Variants in SLC35F4 observed in about 807,000 individuals in gnomAD.
SLC35F4 encodes solute carrier family 35 member F4.
In SLC35F4, 24 loss-of-function variants were observed where a neutral mutation model predicts 44.2. The ratio of observed to expected loss-of-function variants is 0.54; its 90% CI spans 0.39 to 0.76. SLC35F4 has a LOEUF of 0.76. Among genes scored for constraint, SLC35F4 ranks in the 30% least tolerant of loss-of-function variants. The probability of loss-of-function intolerance (pLI) is 0.00; values close to 1 mark genes in which losing one functional copy is unlikely to be tolerated. For missense variants in SLC35F4, 562 were observed against 586.1 expected, an observed-to-expected ratio of 0.96 and a Z score of 0.42; for synonymous variants, 238 against 223.6, an observed-to-expected ratio of 1.06 and a Z score of -0.57.
chr14:57,760,922 T>G (rs1266788018), intron 1 of SLC35F4, among the ~76,000 whole-genome samples: 3 of 152,120 alleles, frequency 2.0e-5, no homozygotes, highest in Non-Finnish European at 4.4e-5. Context: ...TCAGAAGATC[T>G]CTCCATTTCT....
At chr14:57,819,552 T>G (rs1373543171) in intron 1 of SLC35F4, among the ~76,000 whole-genome samples, 1 of 151,554 alleles carries the variant, frequency 6.6e-6, no homozygotes, top group Non-Finnish European at 1.5e-5. Flanking sequence ...ACGCCTGTAA[T>G]CCCAGCACTT....
intron 1 of SLC35F4, among the ~76,000 whole-genome samples, chr14:57,914,245 AG>A (rs2141053393): frequency 6.6e-6 from 1 of 152,296 alleles, no homozygotes; most frequent in Admixed American, 6.5e-5. Flanking sequence ...AGAGCAGAAA[AG>A]GGGGCCAAAC....
intron 1 of SLC35F4, among the ~76,000 whole-genome samples, chr14:57,811,206 G>A (rs1463535368): frequency 6.6e-6 from 1 of 152,286 alleles, no homozygotes; most frequent in Non-Finnish European, 1.5e-5. Context: ...CCAAAAGTGG[G>A]CACCAAAGTT....
chr14:57,814,882 T>G (rs1053623795), intron 1 of SLC35F4, among the ~76,000 whole-genome samples: 41 of 152,292 alleles, frequency 2.7e-4, no homozygotes, highest in African/African-American at 9.4e-4. Context: ...ACATCTGTTT[T>G]AAAAAATAAA....
At chr14:57,657,148 T>G (rs2073995023) in intron 1 of SLC35F4, among the ~76,000 whole-genome samples, 1 of 152,228 alleles carries the variant, frequency 6.6e-6, no homozygotes, top group African/African-American at 2.4e-5. Context: ...TGTCTTTCCC[T>G]GTGTCCAGGT....
At chr14:57,912,105 G>T (rs1166400687) in intron 1 of SLC35F4, among the ~76,000 whole-genome samples, 2 of 151,826 alleles carry the variant, frequency 1.3e-5, no homozygotes, top group African/African-American at 4.8e-5. Context: ...TTATGAGGTT[G>T]TAGCAATATT....
At chr14:57,970,550 G>GA (rs1308496796) in intron 1 of SLC35F4, among the ~76,000 whole-genome samples, 1 of 152,118 alleles carries the variant, frequency 6.6e-6, no homozygotes, top group Non-Finnish European at 1.5e-5. Context: ...ATTCATAACA[G>GA]AAAACAGTTT....
chr14:57,710,635 A>G (rs912847666), intron 1 of SLC35F4, among the ~76,000 whole-genome samples: 1 of 152,192 alleles, frequency 6.6e-6, no homozygotes, highest in Non-Finnish European at 1.5e-5. Flanking sequence ...GAGCTGCCCA[A>G]GGCCATGGGA....
intron 1 of SLC35F4, among the ~76,000 whole-genome samples, chr14:57,636,586 T>C (rs369385464): frequency 1.4e-4 from 22 of 152,242 alleles, no homozygotes; most frequent in East Asian, 1.4e-3. Flanking sequence ...GATATTCTAA[T>C]GATTGCTTTA....
At chr14:57,829,761 T>A (rs1457832209) in intron 1 of SLC35F4, among the ~76,000 whole-genome samples, 2 of 152,200 alleles carry the variant, frequency 1.3e-5, no homozygotes, top group Non-Finnish European at 2.9e-5. Context: ...TTGTGTGTGA[T>A]TCTGAGTCTT....
At chr14:57,566,339 CATG>C in intron 7 of SLC35F4, 133 bp downstream of exon 7, 1 of 750,866 alleles carries the variant, frequency 1.3e-6, no homozygotes, top group Non-Finnish European at 2.1e-6. Context: ...CTGCCACCTT[CATG>C]ATATTTAAAA....
At chr14:57,869,461 G>A (rs6573175), upstream of SLC35F4, among the ~76,000 whole-genome samples, 714 of 152,134 alleles carry the variant, frequency 4.7e-3, 6 homozygotes, top group African/African-American at 0.017. Context: ...AGAAAATCTG[G>A]GCTTTAGTCG....
At chr14:57,633,193 T>C (rs2072867485) in intron 1 of SLC35F4, among the ~76,000 whole-genome samples, 1 of 152,152 alleles carries the variant, frequency 6.6e-6, no homozygotes, top group Non-Finnish European at 1.5e-5. Flanking sequence ...GCTCTAAATA[T>C]TCATGTGCAG....
chr14:57,777,727 T>C (rs1315304109), intron 1 of SLC35F4, among the ~76,000 whole-genome samples: 1 of 152,072 alleles, frequency 6.6e-6, no homozygotes, highest in Non-Finnish European at 1.5e-5. Context: ...CATGTATACC[T>C]ATGTAACAAA....
chr14:57,870,933 G>A (rs1196802797), upstream of SLC35F4, among the ~76,000 whole-genome samples: 5 of 152,234 alleles, frequency 3.3e-5, no homozygotes, highest in Non-Finnish European at 4.4e-5. Context: ...GTGCTTTGCA[G>A]AAAGAGAAGC....
At chr14:57,818,447 G>C (rs376086911) in intron 1 of SLC35F4, among the ~76,000 whole-genome samples, 12 of 152,224 alleles carry the variant, frequency 7.9e-5, no homozygotes, top group Admixed American at 5.2e-4. Flanking sequence ...TAGACTACTG[G>C]GCAAAGAAAG....
chr14:57,655,441 C>A (rs371723121), intron 1 of SLC35F4, among the ~76,000 whole-genome samples: 1 of 152,066 alleles, frequency 6.6e-6, no homozygotes, highest in Non-Finnish European at 1.5e-5. Flanking sequence ...TACCTAAGTT[C>A]GGGCTTCCCT....
intron 1 of SLC35F4, among the ~76,000 whole-genome samples, chr14:57,861,895 A>G (rs1189199501): frequency 2.6e-5 from 4 of 152,026 alleles, no homozygotes; most frequent in Non-Finnish European, 5.9e-5. Context: ...TCTCTTCTCT[A>G]TATGCATTCA....
At chr14:57,564,518 C>A in intron 7 of SLC35F4, 142 bp from the exon 8 acceptor site, 1 of 1,214,008 alleles carries the variant, frequency 8.2e-7, no homozygotes, top group Non-Finnish European at 1.1e-6. Context: ...TTCCACATTG[C>A]TAGGTTTGCT....
Sources: gnomAD v4.1 joint callset for allele counts (sites outside exome capture counted in the v4.1 genomes callset) on GRCh38, gnomAD v4.1.1 for gene constraint, MANE v1.5 for transcripts, NCBI Gene and HGNC (gene_info 2026-07-23, HGNC 2026-07-21) for gene names.